Variants in GRID2 observed in about 807,000 individuals in gnomAD.
The protein encoded by GRID2 is glutamate ionotropic receptor delta type subunit 2.
A neutral mutation model predicts 114.8 loss-of-function variants in GRID2; 33 were observed. The ratio of observed to expected loss-of-function variants is 0.29; its 90% CI spans 0.22 to 0.38. The LOEUF (loss-of-function observed/expected upper bound fraction) is 0.38, where lower values mean the gene tolerates loss of function less well. Ranked by LOEUF, GRID2 falls within the 10% of genes least tolerant of loss-of-function variation. The pLI is 1.00. For missense variants in GRID2, 1,184 were observed against 1,257.7 expected, an observed-to-expected ratio of 0.94 and a Z score of 0.89; for synonymous variants, 505 against 449.9, an observed-to-expected ratio of 1.12 and a Z score of -1.55.
intron 2 of GRID2, among the ~76,000 whole-genome samples, chr4:93,003,062 A>G (rs1319129188): frequency 2.6e-5 from 4 of 151,882 alleles, no homozygotes; most frequent in African/African-American, 9.7e-5. Context: ...AATCAAAGAC[A>G]ATCTCCACAT....
At chr4:93,498,229 G>A (rs1727735122) in intron 12 of GRID2, among the ~76,000 whole-genome samples, 1 of 151,770 alleles carries the variant, frequency 6.6e-6, no homozygotes, top group Admixed American at 6.6e-5. Flanking sequence ...AGTCTGGTGA[G>A]GGCCAGGTTT....
chr4:92,403,758 C>T (rs1405996612), intron 1 of GRID2, among the ~76,000 whole-genome samples: 1 of 151,766 alleles, frequency 6.6e-6, no homozygotes, highest in Non-Finnish European at 1.5e-5. Flanking sequence ...AGAGACATGT[C>T]ACTCTTCCTA....
At chr4:93,682,972 C>G (rs1232084815) in intron 14 of GRID2, among the ~76,000 whole-genome samples, 1 of 151,286 alleles carries the variant, frequency 6.6e-6, no homozygotes, top group Non-Finnish European at 1.5e-5. Flanking sequence ...ACACCCGTAT[C>G]TGTTTCAGAA....
chr4:92,745,544 A>T (rs1387873327), intron 2 of GRID2, among the ~76,000 whole-genome samples: 1 of 152,164 alleles, frequency 6.6e-6, no homozygotes, highest in Non-Finnish European at 1.5e-5. Flanking sequence ...CTAAATATTT[A>T]AGAAGAGATA....
chr4:93,013,197 G>A (rs1722354856), intron 2 of GRID2, among the ~76,000 whole-genome samples: 1 of 152,060 alleles, frequency 6.6e-6, no homozygotes, highest in Non-Finnish European at 1.5e-5. Context: ...AGTGGTAGAG[G>A]AAGTTGACAT....
chr4:93,000,768 A>G (rs924087472), intron 2 of GRID2, among the ~76,000 whole-genome samples: 3 of 148,754 alleles, frequency 2.0e-5, no homozygotes, highest in African/African-American at 4.9e-5. Context: ...GTACACATGG[A>G]CATAAAGATG....
chr4:93,719,402 G>A (rs1729168307), intron 14 of GRID2, among the ~76,000 whole-genome samples: 1 of 151,992 alleles, frequency 6.6e-6, no homozygotes, highest in African/African-American at 2.4e-5. Context: ...CAATCCAAGG[G>A]ACTTTTTTTT....
At chr4:93,338,140 A>G (rs1001591507) in intron 8 of GRID2, among the ~76,000 whole-genome samples, 1 of 135,772 alleles carries the variant, frequency 7.4e-6, no homozygotes, top group East Asian at 1.9e-4. Flanking sequence ...TTCATCAGTG[A>G]TGTGAATTTT....
intron 8 of GRID2, among the ~76,000 whole-genome samples, chr4:93,267,711 A>T (rs1420386490): frequency 6.6e-6 from 1 of 152,194 alleles, no homozygotes; most frequent in African/African-American, 2.4e-5. Flanking sequence ...TTGAGGGCCC[A>T]TGCTGGAGCC....
intron 8 of GRID2, among the ~76,000 whole-genome samples, chr4:93,321,278 A>G (rs1301185890): frequency 6.6e-6 from 1 of 152,162 alleles, no homozygotes; most frequent in African/African-American, 2.4e-5. Flanking sequence ...TAGCTGGTAA[A>G]CATACAGGAT....
intron 1 of GRID2, among the ~76,000 whole-genome samples, chr4:92,544,015 C>A (rs985809101): frequency 4.6e-5 from 7 of 152,108 alleles, no homozygotes; most frequent in Non-Finnish European, 8.8e-5. Flanking sequence ...GTATTTATAT[C>A]TTGAAAATTG....
chr4:93,592,904 T>G (rs577696326), intron 13 of GRID2, among the ~76,000 whole-genome samples: 65 of 152,030 alleles, frequency 4.3e-4, no homozygotes, highest in South Asian at 2.7e-3. Context: ...GTTTTCCATT[T>G]GCTTGGTAGA....
chr4:92,941,535 A>AT (rs1414790605), intron 2 of GRID2, among the ~76,000 whole-genome samples: 7 of 152,028 alleles, frequency 4.6e-5, no homozygotes, highest in Admixed American at 1.3e-4. Context: ...GGATTCATTG[A>AT]TTTTTTGAAG....
chr4:92,916,510 C>A (rs1460405357), intron 2 of GRID2, among the ~76,000 whole-genome samples: 1 of 152,026 alleles, frequency 6.6e-6, no homozygotes, highest in Non-Finnish European at 1.5e-5. Flanking sequence ...TGCCTCCCCC[C>A]AGCCCCCACC....
At chr4:93,396,958 T>C (rs959260143) in intron 9 of GRID2, among the ~76,000 whole-genome samples, 5 of 152,002 alleles carry the variant, frequency 3.3e-5, no homozygotes, top group Non-Finnish European at 7.4e-5. Flanking sequence ...AGTCTACTTG[T>C]TTTTAATTTT....
intron 14 of GRID2, among the ~76,000 whole-genome samples, chr4:93,676,818 C>A (rs181549826): frequency 1.3e-5 from 2 of 149,374 alleles, no homozygotes; most frequent in Non-Finnish European, 3.0e-5. Context: ...TGAATAGGAA[C>A]AGCCCCGGTC....
chr4:93,091,139 C>G, intron 3 of GRID2, among the ~76,000 whole-genome samples: 1 of 152,106 alleles, frequency 6.6e-6, no homozygotes, highest in East Asian at 1.9e-4. Context: ...GCAATATAAC[C>G]TAAATAACCC....
At chr4:92,922,391 C>T (rs1475593133) in intron 2 of GRID2, among the ~76,000 whole-genome samples, 3 of 152,160 alleles carry the variant, frequency 2.0e-5, no homozygotes, top group Admixed American at 2.0e-4. Flanking sequence ...GAGATGAACC[C>T]AGTACCTCAG....
chr4:92,648,642 C>G (rs1238635728), intron 2 of GRID2, among the ~76,000 whole-genome samples: 1 of 148,988 alleles, frequency 6.7e-6, no homozygotes, highest in Non-Finnish European at 1.5e-5. Context: ...ATATAAATTG[C>G]AATGGTCAAA....
Sources: gnomAD v4.1 joint callset for allele counts (sites outside exome capture counted in the v4.1 genomes callset) on GRCh38, gnomAD v4.1.1 for gene constraint, MANE v1.5 for transcripts, NCBI Gene and HGNC (gene_info 2026-07-23, HGNC 2026-07-21) for gene names.